Variants in STPG2 observed in about 807,000 individuals in gnomAD.
The protein encoded by STPG2 is sperm tail PG-rich repeat containing 2, also known as sperm-tail PG-rich repeat-containing protein 2.
Under a neutral mutation model 54.2 loss-of-function variants are expected in STPG2, and 56 were observed. That is an observed-to-expected ratio of 1.03 (90% CI 0.83 to 1.29). The LOEUF is 1.29. STPG2 is among the 50% of genes most tolerant of loss of function. STPG2 has a pLI of 0.00. For missense variants in STPG2, 596 were observed against 544.9 expected (o/e 1.09, Z -0.93); for synonymous variants, 200 against 181.8 (o/e 1.10, Z -0.81).
intron 10 of STPG2, among the ~76,000 whole-genome samples, chr4:97,651,485 A>G (rs192885727): frequency 3.4e-4 from 52 of 152,222 alleles, no homozygotes; most frequent in Non-Finnish European, 6.6e-4. Flanking sequence ...CTGGAACATT[A>G]AAAATTAATA....
chr4:97,621,103 T>C (rs1288388801), intron 10 of STPG2, among the ~76,000 whole-genome samples: 1 of 152,070 alleles, frequency 6.6e-6, no homozygotes, highest in Non-Finnish European at 1.5e-5. Flanking sequence ...AGAACAAAGA[T>C]ACAACATACC....
intron 8 of STPG2, among the ~76,000 whole-genome samples, chr4:97,878,355 G>T (rs534221363): frequency 6.6e-6 from 1 of 152,272 alleles, no homozygotes; most frequent in Non-Finnish European, 1.5e-5. Flanking sequence ...CTTCTGCACT[G>T]CCCTAGCAGA....
intron 8 of STPG2, among the ~76,000 whole-genome samples, chr4:97,881,995 A>G (rs1348317304): frequency 1.3e-5 from 2 of 152,166 alleles, no homozygotes; most frequent in Non-Finnish European, 2.9e-5. Context: ...AATTAGCCTG[A>G]AATTTAATGA....
chr4:97,644,442 C>G (rs1387310878), intron 10 of STPG2, among the ~76,000 whole-genome samples: 2 of 151,992 alleles, frequency 1.3e-5, no homozygotes, highest in African/African-American at 4.8e-5. Flanking sequence ...ACCTTAAAAG[C>G]AACAGATGAA....
At chr4:97,973,567 T>A (rs1376380354) in intron 6 of STPG2, among the ~76,000 whole-genome samples, 1 of 152,090 alleles carries the variant, frequency 6.6e-6, no homozygotes, top group African/African-American at 2.4e-5. Flanking sequence ...ATGGGAAAAA[T>A]GTCTCCAGGT....
chr4:97,547,489 C>T (rs926830232), intron 4 of STPG2, among the ~76,000 whole-genome samples: 7 of 152,164 alleles, frequency 4.6e-5, no homozygotes, highest in African/African-American at 1.4e-4. Flanking sequence ...GGATTACAGG[C>T]GTGAGCCACC....
chr4:97,975,547 C>A (rs809179), intron 6 of STPG2, among the ~76,000 whole-genome samples: 1 of 152,056 alleles, frequency 6.6e-6, no homozygotes, highest in Admixed American at 6.6e-5. Context: ...CTATGCTGTT[C>A]AAAAGTTTTT....
At chr4:97,497,732 T>G (rs1314390819) in intron 4 of STPG2, among the ~76,000 whole-genome samples, 1 of 151,886 alleles carries the variant, frequency 6.6e-6, no homozygotes, top group African/African-American at 2.4e-5. Flanking sequence ...TTTGCAACAC[T>G]TTTAGAGAAT....
intron 4 of STPG2, among the ~76,000 whole-genome samples, chr4:97,457,844 T>G (rs1284833065): frequency 6.6e-6 from 1 of 152,184 alleles, no homozygotes; most frequent in Non-Finnish European, 1.5e-5. Flanking sequence ...TGGGGTGATG[T>G]TAAAAGAAAC....
At chr4:97,801,974 T>G (rs1252462919) in intron 9 of STPG2, among the ~76,000 whole-genome samples, 1 of 152,208 alleles carries the variant, frequency 6.6e-6, no homozygotes, top group Non-Finnish European at 1.5e-5. Flanking sequence ...CTAGCATGCA[T>G]TAGAATCACC....
At chr4:97,668,268 C>A (rs1334187429) in intron 10 of STPG2, among the ~76,000 whole-genome samples, 1 of 152,204 alleles carries the variant, frequency 6.6e-6, no homozygotes, top group African/African-American at 2.4e-5. Context: ...CTGGAATTAG[C>A]CAGCAGTCCT....
At chr4:97,488,870 G>A (rs1730435922) in intron 4 of STPG2, among the ~76,000 whole-genome samples, 1 of 151,654 alleles carries the variant, frequency 6.6e-6, no homozygotes, top group South Asian at 2.1e-4. Context: ...ACTGTGATAG[G>A]TCTGAGATGT....
chr4:98,055,430 C>T (rs1378617865), intron 5 of STPG2, among the ~76,000 whole-genome samples: 1 of 152,050 alleles, frequency 6.6e-6, no homozygotes, highest in African/African-American at 2.4e-5. Context: ...GGAGAGAAAG[C>T]TAGGAACCCC....
intron 9 of STPG2, among the ~76,000 whole-genome samples, chr4:97,780,419 A>G (rs1423064351): frequency 3.6e-5 from 1 of 27,666 alleles, no homozygotes; most frequent in Non-Finnish European, 7.1e-5. Flanking sequence ...AGGAGCACCC[A>G]GGTTCATAAA....
At chr4:97,908,827 G>A (rs1202563684) in intron 8 of STPG2, among the ~76,000 whole-genome samples, 1 of 144,138 alleles carries the variant, frequency 6.9e-6, no homozygotes, top group Non-Finnish European at 1.5e-5. Flanking sequence ...AGAACACATG[G>A]ACACGGGAAG....
intron 8 of STPG2, among the ~76,000 whole-genome samples, chr4:97,920,507 C>T (rs763915382): frequency 9.9e-5 from 15 of 152,064 alleles, no homozygotes; most frequent in South Asian, 2.1e-4. Flanking sequence ...GTTGATGTTA[C>T]GTAGTGAGGG....
chr4:98,058,579 C>G (rs1364831410), intron 5 of STPG2, among the ~76,000 whole-genome samples: 2 of 152,156 alleles, frequency 1.3e-5, no homozygotes. Context: ...TAGACACCTA[C>G]AAAGAGACAG....
intron 5 of STPG2, among the ~76,000 whole-genome samples, chr4:98,091,129 G>C (rs2110126403): frequency 6.6e-6 from 1 of 151,926 alleles, no homozygotes; most frequent in East Asian, 1.9e-4. Context: ...TTAATCACTA[G>C]ATAAAATCAA....
At chr4:97,997,933 T>C (rs1735295084) in intron 5 of STPG2, among the ~76,000 whole-genome samples, 1 of 152,094 alleles carries the variant, frequency 6.6e-6, no homozygotes, top group Non-Finnish European at 1.5e-5. Flanking sequence ...AATGAAAAAT[T>C]TTTTTAAAAG....
Sources: gnomAD v4.1 joint callset for allele counts (sites outside exome capture counted in the v4.1 genomes callset) on GRCh38, gnomAD v4.1.1 for gene constraint, MANE v1.5 for transcripts, NCBI Gene and HGNC (gene_info 2026-07-23, HGNC 2026-07-21) for gene names.